The following NPHP1 variants were observed in gnomAD, a reference collection of about 807,000 sequenced individuals.
NPHP1 encodes nephrocystin-1.
NPHP1 carries 70 observed loss-of-function variants against 90.4 expected under a neutral mutation model. That is an observed-to-expected ratio of 0.77 (90% confidence interval 0.64 to 0.95). The LOEUF is 0.95. Ranked by LOEUF, NPHP1 falls within the 40% of genes least tolerant of loss-of-function variation. The probability of loss-of-function intolerance (pLI) is 0.00; values close to 1 mark genes in which losing one functional copy is unlikely to be tolerated. For missense variants in NPHP1, 764 were observed against 795.9 expected, an observed-to-expected ratio of 0.96 and a Z score of 0.48; for synonymous variants, 256 against 271.7, an observed-to-expected ratio of 0.94 and a Z score of 0.57.
rs1680081464 is a variant in NPHP1 at position 110,135,224 on chromosome 2, T to A, written c.1530-3433A>T. 2.0e-5 allele frequency among the ~76,000 whole-genome samples: 3 copies of A among 151,950 alleles called. No individual in the cohort carries two copies. In the Middle Eastern group the frequency reaches 0.01, roughly 517 times the overall value. On this transcript the variant is annotated intron_variant, in intron 16 of 19. Coordinates refer to ENST00000445609, the MANE Select transcript of NPHP1 (RefSeq NM_001128178.3). The stretch of plus-strand genomic sequence containing the variant: ...GTCAGAAATTTAAAAATATAAAAAA[T>A]TTCAATATTTAGATTTCAAAATAAT...
chr2:110,149,717 A>G (rs1003506879), intron 12 of NPHP1, among the ~76,000 whole-genome samples: 3 of 152,150 alleles, frequency 2.0e-5, no homozygotes, highest in African/African-American at 7.2e-5. Flanking sequence ...TACTATAAAA[A>G]CAACACGAAG....
intron 16 of NPHP1, among the ~76,000 whole-genome samples, chr2:110,141,636 T>C (rs1680637495): frequency 6.6e-6 from 1 of 152,148 alleles, no homozygotes; most frequent in Admixed American, 6.5e-5. Context: ...GGAACTCTCA[T>C]ACATTGCTAA....
chr2:110,150,521 A>C (rs967838732), intron 11 of NPHP1, among the ~76,000 whole-genome samples: 1 of 152,102 alleles, frequency 6.6e-6, no homozygotes, highest in African/African-American at 2.4e-5. Flanking sequence ...CCAGAAAAGT[A>C]ATTGAAATTT....
rs200201945 is a variant in NPHP1 at position 110,163,071 on chromosome 2, G to A, written c.836C>T (p.Thr279Met). 823 of 1,613,204 alleles carry A rather than the reference G, an allele frequency of 5.1e-4. 12 individuals carry two copies. In the South Asian group the frequency reaches 6.5e-3, roughly 13 times the overall value. The change falls in exon 9 of 20, where the codon ACG becomes ATG. Residue 279 changes from threonine (T) to methionine (M), a missense_variant. Coordinates refer to ENST00000445609, the MANE Select transcript of NPHP1 (RefSeq NM_001128178.3). ...GAIPAGFRPSTLSQLLEEGNQ... is the reference protein window; with the variant it reads ...GAIPAGFRPSMLSQLLEEGNQ... ...ACCTTCCTCCAGAAGCTGTGAGAGC[G>A]TGGAAGGCCTGAACCCTGCAGGAAT...
intron 2 of NPHP1, among the ~76,000 whole-genome samples, chr2:110,191,100 T>A (rs1307044437): frequency 6.6e-6 from 1 of 152,134 alleles, no homozygotes; most frequent in Non-Finnish European, 1.5e-5. Flanking sequence ...ACGCAGAAGA[T>A]GAATGATTTC....
intron 4 of NPHP1, among the ~76,000 whole-genome samples, chr2:110,175,270 A>T (rs985150597): frequency 6.6e-6 from 1 of 152,168 alleles, no homozygotes. Flanking sequence ...ATAGAAAAGA[A>T]AAAATAGGCT....
chr2:110,135,781 C>T (rs1263881076), intron 16 of NPHP1, among the ~76,000 whole-genome samples: 2 of 152,086 alleles, frequency 1.3e-5, no homozygotes, highest in Non-Finnish European at 2.9e-5. Context: ...AGAGATCTTA[C>T]TTTTTGTAAA....
intron 16 of NPHP1, among the ~76,000 whole-genome samples, chr2:110,141,700 C>T (rs1408471934): frequency 2.0e-5 from 3 of 151,956 alleles, no homozygotes; most frequent in African/African-American, 4.8e-5. Flanking sequence ...GGGCCGGATG[C>T]GGTGGCTCAA....
intron 4 of NPHP1, among the ~76,000 whole-genome samples, chr2:110,176,901 CCCT>C (rs1399504590): frequency 6.6e-6 from 1 of 152,182 alleles, no homozygotes; most frequent in Non-Finnish European, 1.5e-5. Context: ...AGGCATCATG[CCCT>C]ATACAGCCCA....
chr2:110,188,241 T>A (rs556119986), intron 2 of NPHP1, among the ~76,000 whole-genome samples: 2 of 152,276 alleles, frequency 1.3e-5, no homozygotes, highest in Non-Finnish European at 2.9e-5. Flanking sequence ...TGTTTGCAGA[T>A]GACATGATCC....
chr2:110,153,703 C>G (rs138483878), intron 11 of NPHP1, among the ~76,000 whole-genome samples: 1 of 151,968 alleles, frequency 6.6e-6, no homozygotes, highest in African/African-American at 2.4e-5. Context: ...TCAAGTGGGG[C>G]GGGTGCGGTA....
intron 17 of NPHP1, 26 bp downstream of exon 17, chr2:110,131,653 A>G (rs769248518): frequency 1.8e-5 from 24 of 1,334,036 alleles, no homozygotes; most frequent in Admixed American, 6.7e-5. Flanking sequence ...ATTACTGCAC[A>G]TAAGGAAGTG....
intron 16 of NPHP1, among the ~76,000 whole-genome samples, chr2:110,136,581 A>ATTCTCTTTGT (rs1680220896): frequency 6.6e-6 from 1 of 152,150 alleles, no homozygotes; most frequent in Non-Finnish European, 1.5e-5. Context: ...CAATTGCTAC[A>ATTCTCTTTGT]AAGAGAATAA....
intron 19 of NPHP1, 30 bp downstream of exon 19, chr2:110,125,607 T>C (rs758592709): frequency 1.9e-6 from 3 of 1,592,928 alleles, no homozygotes; most frequent in South Asian, 2.2e-5. Context: ...ACTGCAAATA[T>C]GGAGTTCAGT....
At chr2:110,151,069 G>A (rs899533109) in intron 11 of NPHP1, among the ~76,000 whole-genome samples, 1 of 150,994 alleles carries the variant, frequency 6.6e-6, no homozygotes, top group Non-Finnish European at 1.5e-5. Flanking sequence ...AGGAGGCTGA[G>A]GCAGGAGAAT....
chr2:110,158,239 A>G (rs1167431840), intron 11 of NPHP1, among the ~76,000 whole-genome samples: 2 of 152,150 alleles, frequency 1.3e-5, no homozygotes, highest in African/African-American at 4.8e-5. Context: ...ATTGGTGACT[A>G]TTCCATATGT....
At chr2:110,144,450 G>C in intron 15 of NPHP1, 43 bp downstream of exon 15, 2 of 1,305,590 alleles carry the variant, frequency 1.5e-6, no homozygotes, top group Non-Finnish European at 2.2e-6. Flanking sequence ...GCTTCTATTT[G>C]TTTAATCTTT....
At position 110,201,513 on chromosome 2, in the gene NPHP1, A is replaced by G. The variant is rs761612263; in HGVS notation, c.70-19T>C. The G allele has an allele frequency of 1.3e-6, 2 of 1,544,862 alleles. No individual in the cohort carries two copies. The highest frequency in any genetic ancestry group is 1.7e-5 in the Admixed American group (1 of 59,714). ...TATCAACCTATGGAGACCATTTAAAATATCACATTATTAAATACCATATCG... is the reference window on the plus strand; with the variant it reads ...TATCAACCTATGGAGACCATTTAAAGTATCACATTATTAAATACCATATCG... On this transcript the variant is annotated intron_variant, in intron 1 of 19. Coordinates refer to ENST00000445609, the MANE Select transcript of NPHP1 (RefSeq NM_001128178.3).
intron 15 of NPHP1, 98 bp from the exon 16 acceptor site, chr2:110,143,739 T>A: frequency 1.2e-6 from 1 of 837,350 alleles, no homozygotes; most frequent in South Asian, 1.4e-5. Flanking sequence ...CACCCAGTAG[T>A]GCTGAATTGA....
Sources: gnomAD v4.1 joint callset for allele counts (sites outside exome capture counted in the v4.1 genomes callset) on GRCh38, gnomAD v4.1.1 for gene constraint, MANE v1.5 for transcripts, NCBI Gene and HGNC (gene_info 2026-07-23, HGNC 2026-07-21) for gene names.